Variants in BPI observed in about 807,000 individuals in gnomAD.
BPI encodes the protein bactericidal permeability increasing protein.
A neutral mutation model predicts 57.6 loss-of-function variants in BPI; 48 were observed. That is an observed-to-expected ratio of 0.83 (90% confidence interval 0.66 to 1.06). BPI has a LOEUF of 1.06. BPI is among the 50% of genes least tolerant of loss of function. The pLI is 0.00. For missense variants in BPI, 651 were observed against 609.7 expected (o/e 1.07, Z -0.71); for synonymous variants, 237 against 238.2 (o/e 0.99, Z 0.05).
At chr20:38,311,395 T>C (rs2076621171) in intron 4 of BPI, among the ~76,000 whole-genome samples, 1 of 152,204 alleles carries the variant, frequency 6.6e-6, no homozygotes, top group Admixed American at 6.5e-5. Flanking sequence ...AGGTACAAAC[T>C]TCTATGAACG....
intron 1 of BPI, 139 bp from the exon 2 acceptor site, chr20:38,307,428 T>C (rs1253920249): frequency 6.6e-6 from 4 of 602,624 alleles, no homozygotes; most frequent in Non-Finnish European, 8.6e-6. Context: ...TAGGAAACCT[T>C]AATTGATCCC....
In BPI at chr20:38,330,246, GA is replaced by G. The variant is rs141918259; in HGVS notation, c.1230-800del. On this transcript the variant is annotated intron_variant, in intron 11 of 14. Coordinates refer to ENST00000642449, the MANE Select transcript of BPI (RefSeq NM_001725.3). Reference sequence around the variant, plus strand: ...TGAGCTAGTGAGACCCCATCTCAAAGAAGAAAAAAAAAAGCAAACCGTGCTT... The same window carrying G: ...TGAGCTAGTGAGACCCCATCTCAAAGAGAAAAAAAAAAGCAAACCGTGCTT... Among the ~76,000 whole-genome samples, 95 of 151,312 alleles carry G rather than the reference GA, an allele frequency of 6.3e-4. No homozygotes were observed. The South Asian group carries it at 7.9e-3, about 13-fold the overall frequency.
intron 5 of BPI, among the ~76,000 whole-genome samples, chr20:38,317,114 GAC>G (rs2076656045): frequency 6.6e-6 from 1 of 152,178 alleles, no homozygotes; most frequent in Non-Finnish European, 1.5e-5. Flanking sequence ...GGACTGAAGA[GAC>G]TGCTGGATTA....
intron 5 of BPI, among the ~76,000 whole-genome samples, chr20:38,315,430 G>A (rs567699018): frequency 8.5e-5 from 13 of 152,314 alleles, no homozygotes; most frequent in South Asian, 4.1e-4. Flanking sequence ...AAGAGCCTGC[G>A]TCAGTACAAA....
chr20:38,326,276 G>A lies in BPI; in HGVS notation c.1005G>A (p.Lys335=). 1.2e-6 allele frequency: 2 copies of A among 1,612,248 alleles called. No individual in the cohort carries two copies. Among genetic ancestry groups the A allele is most frequent in the East Asian group, 2.2e-5 (1 of 44,848 alleles). ...ACTGGGGGCTGCAGGTGGCCAAGAA[G>A]TTTCCCAACATGAAGATACAGATCC... ...FGTFLPEVAK[K]FPNMKIQIHV... The change falls in exon 10 of 15, where the codon AAG becomes AAA. Residue 335 remains lysine (K), a synonymous_variant. Coordinates refer to ENST00000642449, the MANE Select transcript of BPI (RefSeq NM_001725.3).
At chr20:38,312,206 C>T (rs1188006560) in intron 5 of BPI, among the ~76,000 whole-genome samples, 1 of 152,196 alleles carries the variant, frequency 6.6e-6, no homozygotes, top group Non-Finnish European at 1.5e-5. Flanking sequence ...CCCAGCCTTC[C>T]TCCCTGCTGA....
chr20:38,320,898 G>T (rs2076678856), intron 7 of BPI, among the ~76,000 whole-genome samples: 4 of 112,462 alleles, frequency 3.6e-5, no homozygotes, highest in Non-Finnish European at 3.7e-5. Flanking sequence ...TGGGTGGGTG[G>T]GTGGATGGAT....
Position 38,323,912 on chromosome 20 carries a change from G to T in BPI, c.799G>T (p.Ala267Ser), listed in dbSNP as rs373645339. The T allele has an allele frequency of 1.5e-5, 25 of 1,614,058 alleles. No individual in the cohort carries two copies. The highest frequency in any genetic ancestry group is 3.3e-5 in the Admixed American group (2 of 60,002). The part of the protein sequence containing the change: ...SENHHNPPPF[A>S]PPVMEFPAAH... The stretch of plus-strand genomic sequence containing the variant: ...GAACCACCACAATCCACCTCCCTTT[G>T]CTCCACCAGTGATGGAGTTTCCCGC... The change falls in exon 8 of 15, where the codon GCT becomes TCT. Residue 267 changes from alanine (A) to serine (S), a missense_variant. Transcript: ENST00000642449.
Position 38,335,501 on chromosome 20 carries a change from G to A in BPI, c.1337-97G>A, listed in dbSNP as rs893365232. Reference sequence around the variant, plus strand: ...TCCCTACCTAGGGCCAGGCATGCTGGTTCAGGGAGGCTGTCTACCCAGGCT... The same window carrying A: ...TCCCTACCTAGGGCCAGGCATGCTGATTCAGGGAGGCTGTCTACCCAGGCT... On this transcript the variant is annotated intron_variant, in intron 13 of 14. Transcript: ENST00000642449. 3.0e-5 allele frequency: 34 copies of A among 1,129,084 alleles called. No individual in the cohort carries two copies. The East Asian group carries it at 7.5e-4, about 25-fold the overall frequency. The allele number at this position is 1,129,084 out of a possible 1,614,324, so 69.9% of individuals were successfully genotyped here.
rs138415286 is a variant in BPI, at chr20:38,326,610, C to G, written c.1161+178C>G. ...CCGACTCCTGGAGGTATTCATTCAC[C>G]CAGCCATTCACTAGTGCGTTTGTTT... On this transcript the variant is annotated intron_variant, in intron 10 of 14. Coordinates refer to ENST00000642449, the MANE Select transcript of BPI (RefSeq NM_001725.3). The G allele has an allele frequency of 3.1e-3, 2,021 of 649,264 alleles. 14 individuals carry two copies. Among genetic ancestry groups the G allele is most frequent in the African/African-American group, 0.015 (828 of 53,578 alleles). The allele number at this position is 649,264 out of a possible 1,614,324, so 40.2% of individuals were successfully genotyped here. A position where few individuals can be genotyped will look rare whatever the true frequency, so the allele number is the denominator to read the frequency against.
intron 14 of BPI, 32 bp downstream of exon 14, chr20:38,335,706 C>G (rs2076764241): frequency 6.3e-7 from 1 of 1,599,722 alleles, no homozygotes; most frequent in Non-Finnish European, 8.6e-7. Context: ...ACAAATCTCC[C>G]CTAACGATAG....
chr20:38,304,347 G>A lies in BPI; in HGVS notation c.124G>A (p.Asp42Asn). The A allele has an allele frequency of 1.1e-5, 17 of 1,613,418 alleles. No homozygotes were observed. The highest frequency in any genetic ancestry group is 9.3e-6 in the Non-Finnish European group (11 of 1,180,006). ...VVVRISQKGL[D>N]YASQQGTAAL... is the part of the protein sequence containing the mutation. The stretch of plus-strand genomic sequence containing the variant: ...GGTCAGGATCTCCCAGAAGGGCCTG[G>A]ACTACGGTAACTGGATGCCTCCCTT... Residue 42 changes from aspartate to asparagine, a missense_variant, in exon 1 of 15, where the codon GAC becomes AAC. By Grantham distance (23) the Asp-to-Asn change is conservative (BLOSUM62 1). Transcript: ENST00000642449.
At chr20:38,321,282 G>A (rs1311798823) in intron 7 of BPI, among the ~76,000 whole-genome samples, 1 of 150,428 alleles carries the variant, frequency 6.6e-6, no homozygotes, top group African/African-American at 2.5e-5. Flanking sequence ...TGGATGTATT[G>A]GTGGGTGGAT....
chr20:38,327,629 G>C lies in BPI; in HGVS notation c.1203G>C (p.Arg401Ser), dbSNP rs376936419. The C allele has an allele frequency of 6.2e-7, 1 of 1,613,706 alleles. No individual in the cohort carries two copies. The highest frequency in any genetic ancestry group is 8.5e-7 in the Non-Finnish European group (1 of 1,179,766). Residue 401 changes from arginine to serine, a missense_variant, in exon 11 of 15, where the codon AGG (arginine) becomes AGC (serine). By Grantham distance (110) the Arg-to-Ser change is moderately radical (BLOSUM62 -1). Transcript: ENST00000642449. Reference sequence around the variant, plus strand: ...TGGAGGTCAGCGCCGAGTCCAACAGGCTTGTTGGAGAGCTCAAGCTGGATA... The same window carrying C: ...TGGAGGTCAGCGCCGAGTCCAACAGCCTTGTTGGAGAGCTCAAGCTGGATA... The part of the protein sequence containing the change: ...GSMEVSAESN[R>S]LVGELKLDRL...
chr20:38,327,150 T>G (rs1189223066), intron 10 of BPI, among the ~76,000 whole-genome samples: 1 of 152,192 alleles, frequency 6.6e-6, no homozygotes, highest in African/African-American at 2.4e-5. Flanking sequence ...CTTAGGCAGG[T>G]CTACTGGGTC....
chr20:38,314,151 T>TGAGGA, intron 5 of BPI, among the ~76,000 whole-genome samples: 1 of 100,290 alleles, frequency 1.0e-5, no homozygotes. Context: ...GGTGGTGAGA[T>TGAGGA]TGAGGATGGT....
chr20:38,320,661 TACACACACACAC>T (rs369329923), intron 7 of BPI, among the ~76,000 whole-genome samples: 9 of 130,880 alleles, frequency 6.9e-5, no homozygotes, highest in East Asian at 2.4e-4. Flanking sequence ...TTATTACCAA[TACACACACACAC>T]ACACACACAC....
intron 14 of BPI, 25 bp from the exon 15 acceptor site, chr20:38,337,120 GT>G (rs750742411): frequency 6.3e-7 from 1 of 1,599,432 alleles, no homozygotes; most frequent in South Asian, 1.1e-5. Context: ...TCTTCAACTG[GT>G]GACAACATTC....
intron 3 of BPI, among the ~76,000 whole-genome samples, chr20:38,310,125 C>A (rs1408145547): frequency 2.0e-5 from 3 of 152,206 alleles, no homozygotes; most frequent in African/African-American, 7.2e-5. Context: ...CCCAAACACC[C>A]AGCTTTTTAG....
Sources: gnomAD v4.1 joint callset for allele counts (sites outside exome capture counted in the v4.1 genomes callset) on GRCh38, gnomAD v4.1.1 for gene constraint, MANE v1.5 for transcripts, NCBI Gene and HGNC (gene_info 2026-07-23, HGNC 2026-07-21) for gene names.